The following COL24A1 variants were observed in gnomAD, a reference collection of about 807,000 sequenced individuals.
The protein encoded by COL24A1 is collagen type XXIV alpha 1 chain, also known as collagen alpha-1(XXIV) chain.
In COL24A1, 224 loss-of-function variants were observed where a neutral mutation model predicts 253.9. The ratio of observed to expected loss-of-function variants is 0.88; its 90% CI spans 0.79 to 0.99. COL24A1 has a LOEUF of 0.99. Among genes scored for constraint, COL24A1 ranks in the 50% least tolerant of loss-of-function variants. The pLI is 0.00. For synonymous variants in COL24A1, 685 were observed against 673.7 expected (o/e 1.02, Z -0.26); for missense variants, 2,131 against 2,068.5 (o/e 1.03, Z -0.59).
chr1:86,131,594 G>A (rs1022337617), intron 2 of COL24A1, among the ~76,000 whole-genome samples: 4 of 146,030 alleles, frequency 2.7e-5, no homozygotes, highest in African/African-American at 1.0e-4. Context: ...TCCCACCTAT[G>A]AGTGAGAACA....
chr1:85,848,595 C>A (rs1319314513), intron 38 of COL24A1, among the ~76,000 whole-genome samples: 1 of 152,152 alleles, frequency 6.6e-6, no homozygotes, highest in Non-Finnish European at 1.5e-5. Flanking sequence ...CAGGTGTGAG[C>A]CACTGCGCCC....
intron 2 of COL24A1, among the ~76,000 whole-genome samples, chr1:86,135,178 CT>C (rs1175435681): frequency 1.3e-5 from 2 of 151,836 alleles, no homozygotes; most frequent in Admixed American, 6.6e-5. Context: ...CAACCTCTGC[CT>C]TTTTTTGTTT....
In COL24A1 at chr1:85,972,568, C is replaced by T. The variant is rs911757662; in HGVS notation, c.2365-1175G>A. ...GGGCACATTGTGTCTTATGCCAGTC[C>T]AATGTATGTTAATCCTTTTTCAGGC... On this transcript the variant is annotated intron_variant, in intron 20 of 59. Transcript: ENST00000370571. Among the ~76,000 whole-genome samples the T allele has an allele frequency of 2.0e-5, 3 of 152,264 alleles. No homozygotes were observed. In the East Asian group the frequency reaches 5.8e-4, roughly 29 times the overall value.
chr1:85,784,075 A>T, intron 50 of COL24A1, 38 bp downstream of exon 50: 1 of 1,501,464 alleles, frequency 6.7e-7, no homozygotes, highest in Non-Finnish European at 9.1e-7. Flanking sequence ...TTTTATTTCT[A>T]GATAGCTAGA....
At chr1:85,972,790 GT>G (rs34675574) in intron 20 of COL24A1, among the ~76,000 whole-genome samples, 135 of 151,452 alleles carry the variant, frequency 8.9e-4, no homozygotes, top group Middle Eastern at 7.0e-3. Context: ...ACTGAAGCAC[GT>G]TTCAAACTTC....
intron 7 of COL24A1, among the ~76,000 whole-genome samples, chr1:86,074,288 C>CAA (rs35024370): frequency 1.3e-5 from 2 of 151,346 alleles, no homozygotes; most frequent in East Asian, 3.9e-4. Flanking sequence ...CAAATGAAAT[C>CAA]AAAAAAGGAA....
chr1:85,896,501 AT>A (rs35593147), intron 28 of COL24A1, 92 bp from the exon 29 acceptor site: 51,416 of 848,278 alleles, frequency 0.061, no homozygotes, highest in South Asian at 0.11. Flanking sequence ...CATGTTGATG[AT>A]TTTTTTTTTT....
intron 24 of COL24A1, among the ~76,000 whole-genome samples, chr1:85,937,844 TG>T (rs1688368721): frequency 6.8e-6 from 1 of 147,380 alleles, no homozygotes; most frequent in East Asian, 2.1e-4. Context: ...GCTTTGAAAA[TG>T]GGTGGCCTTC....
At chr1:85,945,006 T>G (rs1388786170) in intron 24 of COL24A1, among the ~76,000 whole-genome samples, 4 of 62,896 alleles carry the variant, frequency 6.4e-5, no homozygotes, top group African/African-American at 1.4e-4. Context: ...CATTGTGTTT[T>G]TTTTTTTTTT....
At chr1:85,888,006 A>C (rs1682709889) in intron 32 of COL24A1, among the ~76,000 whole-genome samples, 1 of 151,700 alleles carries the variant, frequency 6.6e-6, no homozygotes, top group South Asian at 2.1e-4. Flanking sequence ...CTGAATTTAT[A>C]ATCTTCCATT....
chr1:86,024,728 T>C (rs1466338447), intron 14 of COL24A1, among the ~76,000 whole-genome samples: 1 of 152,176 alleles, frequency 6.6e-6, no homozygotes, highest in Non-Finnish European at 1.5e-5. Flanking sequence ...TCAAAGTTCA[T>C]AGCTTTAAAA....
At chr1:85,898,785 G>GTAGT (rs1359812506) in intron 28 of COL24A1, among the ~76,000 whole-genome samples, 1 of 152,194 alleles carries the variant, frequency 6.6e-6, no homozygotes, top group African/African-American at 2.4e-5. Flanking sequence ...ATGAAAATAT[G>GTAGT]TAGTTAAGTA....
At chr1:86,083,330 C>T (rs1264662673) in intron 7 of COL24A1, among the ~76,000 whole-genome samples, 2 of 150,826 alleles carry the variant, frequency 1.3e-5, no homozygotes, top group Non-Finnish European at 1.5e-5. Context: ...AAATAACCTA[C>T]TTGAAGGCAG....
intron 7 of COL24A1, among the ~76,000 whole-genome samples, chr1:86,064,587 A>G (rs1701337207): frequency 6.6e-6 from 1 of 152,224 alleles, no homozygotes; most frequent in South Asian, 2.1e-4. Context: ...CCTTTTCTTA[A>G]GGACTTAAAA....
intron 7 of COL24A1, among the ~76,000 whole-genome samples, chr1:86,066,373 G>A (rs532283506): frequency 7.3e-5 from 11 of 151,498 alleles, no homozygotes; most frequent in African/African-American, 2.7e-4. Flanking sequence ...GGAGTAGCTG[G>A]GACTTCAGGC....
chr1:85,865,542 A>G (rs1318496999), intron 37 of COL24A1, among the ~76,000 whole-genome samples: 2 of 152,192 alleles, frequency 1.3e-5, no homozygotes, highest in African/African-American at 4.8e-5. Flanking sequence ...TTTGAGTCCC[A>G]TTTCCATCTC....
In COL24A1 at chr1:86,115,868, G is replaced by A. The variant is rs540908467; in HGVS notation, c.1492-490C>T. Among the ~76,000 whole-genome samples the A allele has an allele frequency of 4.6e-5, 7 of 152,274 alleles. No individual in the cohort carries two copies. In the East Asian group the frequency reaches 7.7e-4, roughly 17 times the overall value. On this transcript the variant is annotated intron_variant, in intron 3 of 59. Coordinates refer to ENST00000370571, the MANE Select transcript of COL24A1 (RefSeq NM_152890.7). ...AAACTGTTATAATGAAATCCTTCTT[G>A]TATATCCATTAATAAATCTGACTTA...
intron 1 of COL24A1, among the ~76,000 whole-genome samples, chr1:86,148,135 C>T (rs928856200): frequency 1.3e-5 from 2 of 152,032 alleles, no homozygotes; most frequent in Non-Finnish European, 2.9e-5. Context: ...ATCTTTTTAC[C>T]CCTTGGCTGC....
chr1:86,121,469 C>T (rs917423937), intron 3 of COL24A1, among the ~76,000 whole-genome samples: 4 of 151,910 alleles, frequency 2.6e-5, no homozygotes, highest in Non-Finnish European at 5.9e-5. Context: ...ATATAGGTCA[C>T]TACATATTCA....
Sources: gnomAD v4.1 joint callset for allele counts (sites outside exome capture counted in the v4.1 genomes callset) on GRCh38, gnomAD v4.1.1 for gene constraint, MANE v1.5 for transcripts, NCBI Gene and HGNC (gene_info 2026-07-23, HGNC 2026-07-21) for gene names.